Variants in AKAP6 observed in about 807,000 individuals in gnomAD.
The protein encoded by AKAP6 is A-kinase anchor protein 6.
In AKAP6, 58 loss-of-function variants were observed where a neutral mutation model predicts 188.5. The observed-to-expected ratio is 0.31, with a 90% CI of 0.25 to 0.38. The LOEUF (loss-of-function observed/expected upper bound fraction) is 0.38, where lower values mean the gene tolerates loss of function less well. Ranked by LOEUF, AKAP6 falls within the 10% of genes least tolerant of loss-of-function variation. The probability of loss-of-function intolerance (pLI) is 1.00; values close to 1 mark genes in which losing one functional copy is unlikely to be tolerated. For synonymous variants in AKAP6, 989 were observed against 998.6 expected (o/e 0.99, Z 0.18); for missense variants, 2,710 against 2,740.0 (o/e 0.99, Z 0.24).
In AKAP6 at chr14:32,822,035, G is replaced by A; in HGVS notation, c.4222G>A (p.Val1408Met). Reference sequence around the variant, plus strand: ...CCCACAAATGGGAGATGCAGTTAACGTGTTAAAGCAAAAATTTACAGATGA... The same window carrying A: ...CCCACAAATGGGAGATGCAGTTAACATGTTAAAGCAAAAATTTACAGATGA... The part of the protein sequence containing the change: ...LDPQMGDAVN[V>M]LKQKFTDEGE... The change falls in exon 13 of 14, where the codon GTG becomes ATG. Residue 1408 changes from valine to methionine, a missense_variant. Around this residue, in one of 2 missense-constraint regions of AKAP6, gnomAD observed 2,473 missense variants for 2,426.1 expected, o/e 1.02. Transcript: ENST00000280979. 10 of 1,613,876 alleles carry A rather than the reference G, an allele frequency of 6.2e-6. No homozygotes were observed. The highest frequency in any genetic ancestry group is 2.2e-5 in the East Asian group (1 of 44,864).
intron 1 of AKAP6, among the ~76,000 whole-genome samples, chr14:32,396,924 A>G (rs960321761): frequency 6.6e-6 from 1 of 152,218 alleles, no homozygotes; most frequent in African/African-American, 2.4e-5. Context: ...AAAGTGTTCT[A>G]ACTTATTAAC....
chr14:32,533,697 G>C (rs1369585025), intron 2 of AKAP6, among the ~76,000 whole-genome samples: 1 of 152,188 alleles, frequency 6.6e-6, no homozygotes, highest in Non-Finnish European at 1.5e-5. Flanking sequence ...TAGTGGTCAA[G>C]AGGTGTGGGG....
At chr14:32,783,777 G>C (rs2033322151) in intron 12 of AKAP6, among the ~76,000 whole-genome samples, 1 of 152,062 alleles carries the variant, frequency 6.6e-6, no homozygotes, top group Non-Finnish European at 1.5e-5. Context: ...AATTTTTCCA[G>C]AGTTACCACC....
intron 2 of AKAP6, among the ~76,000 whole-genome samples, chr14:32,462,168 C>A (rs1398297907): frequency 6.6e-6 from 1 of 152,074 alleles, no homozygotes; most frequent in Non-Finnish European, 1.5e-5. Context: ...AGGATATTAT[C>A]CAGGAGAGCT....
At chr14:32,489,007 C>T (rs1393406214) in intron 2 of AKAP6, among the ~76,000 whole-genome samples, 1 of 152,118 alleles carries the variant, frequency 6.6e-6, no homozygotes, top group Non-Finnish European at 1.5e-5. Context: ...GCTTATTTTT[C>T]CATTAAAATT....
At chr14:32,678,723 A>G (rs1210564097) in intron 8 of AKAP6, among the ~76,000 whole-genome samples, 1 of 152,182 alleles carries the variant, frequency 6.6e-6, no homozygotes, top group East Asian at 1.9e-4. Context: ...TTTTGTGACT[A>G]CGATGTGCCT....
chr14:32,604,222 T>C (rs1380766790), intron 7 of AKAP6, among the ~76,000 whole-genome samples: 12 of 152,154 alleles, frequency 7.9e-5, no homozygotes, highest in Admixed American at 7.9e-4. Context: ...GTGCACAGCA[T>C]AGTGCATCTA....
chr14:32,530,620 G>C (rs1278263486), intron 2 of AKAP6, among the ~76,000 whole-genome samples: 2 of 152,130 alleles, frequency 1.3e-5, no homozygotes, highest in African/African-American at 4.8e-5. Flanking sequence ...AGGCAGCAAA[G>C]AGATCGTCTC....
chr14:32,445,460 C>T (rs534286094), intron 2 of AKAP6, among the ~76,000 whole-genome samples: 39 of 152,212 alleles, frequency 2.6e-4, no homozygotes, highest in Admixed American at 5.9e-4. Context: ...GCAACCTCTG[C>T]CTCCCTGGTT....
At chr14:32,732,663 T>A in intron 10 of AKAP6, 63 bp downstream of exon 10, 2 of 1,559,264 alleles carry the variant, frequency 1.3e-6, no homozygotes, top group Non-Finnish European at 1.8e-6. Context: ...TGAAGTACTC[T>A]GTCCGATTTC....
chr14:32,822,226 A>G lies in AKAP6; in HGVS notation c.4413A>G (p.Ser1471=), dbSNP rs760379339. 3 of 1,613,950 alleles carry G rather than the reference A, an allele frequency of 1.9e-6. No homozygotes were observed. Among genetic ancestry groups the G allele is most frequent in the East Asian group, 2.2e-5 (1 of 44,864 alleles). ...ATGTGTTTACATTTTATGATTACTC[A>G]TACCTCCAAGGCTCAAAACTCAAAT... is the stretch of plus-strand genomic sequence containing the variant. ...KHDVFTFYDY[S]YLQGSKLKLP... The change falls in exon 13 of 14, where the codon TCA becomes TCG. Residue 1471 remains serine (S), a synonymous_variant. Coordinates refer to ENST00000280979, the MANE Select transcript of AKAP6 (RefSeq NM_004274.5).
intron 5 of AKAP6, among the ~76,000 whole-genome samples, chr14:32,591,975 G>T (rs1180732789): frequency 1.3e-5 from 2 of 152,166 alleles, no homozygotes; most frequent in African/African-American, 4.8e-5. Flanking sequence ...ATTACGCTGG[G>T]ATCATCTAAC....
chr14:32,545,737 G>A lies in AKAP6; in HGVS notation c.1084G>A (p.Val362Ile), dbSNP rs374557582. Residue 362 changes from valine to isoleucine, a missense_variant, in exon 4 of 14, where the codon GTT (valine) becomes ATT (isoleucine). By Grantham distance (29) the Val-to-Ile change is conservative. Transcript: ENST00000280979. ...SHHDAKNQQP[V>I]PCENATPKRT... ...TCATGATGCAAAGAATCAGCAGCCT[G>A]TTCCTTGTGAAAATGCAACCCCCAA... 1.2e-6 allele frequency: 2 copies of A among 1,614,116 alleles called. No individual in the cohort carries two copies. Among genetic ancestry groups the A allele is most frequent in the Non-Finnish European group, 1.7e-6 (2 of 1,180,044 alleles).
At chr14:32,529,668 G>T (rs150324657) in intron 2 of AKAP6, among the ~76,000 whole-genome samples, 4 of 152,164 alleles carry the variant, frequency 2.6e-5, no homozygotes, top group African/African-American at 9.7e-5. Context: ...TACTGAGAGG[G>T]ATAGTTCACT....
Position 32,823,134 on chromosome 14 carries a change from A to T in AKAP6, c.5321A>T (p.Asp1774Val). 6.2e-7 allele frequency: 1 copy of T among 1,613,804 alleles called. No individual in the cohort carries two copies. Among genetic ancestry groups the T allele is most frequent in the Non-Finnish European group, 8.5e-7 (1 of 1,179,860 alleles). Residue 1774 changes from aspartate (D) to valine (V), a missense_variant, in exon 13 of 14, where the codon GAT becomes GTT. Asp to Val is a radical substitution (Grantham distance 152). Around this residue, in one of 2 missense-constraint regions of AKAP6, gnomAD observed 2,473 missense variants for 2,426.1 expected, o/e 1.02. Coordinates refer to ENST00000280979, the MANE Select transcript of AKAP6 (RefSeq NM_004274.5). ...TEEELCIKDE[D>V]DDSSIATDDE... Reference sequence around the variant, plus strand: ...GAAGAGCTGTGCATCAAAGATGAGGATGACGACTCCAGTATTGCAACAGAT... The same window carrying T: ...GAAGAGCTGTGCATCAAAGATGAGGTTGACGACTCCAGTATTGCAACAGAT...
At chr14:32,821,381 C>G in intron 12 of AKAP6, 21 bp from the exon 13 acceptor site, 1 of 1,547,734 alleles carries the variant, frequency 6.5e-7, no homozygotes, top group Non-Finnish European at 8.7e-7. Flanking sequence ...TTCTCCTTTT[C>G]TTTTTCTTTC....
At position 32,829,895 on chromosome 14, in the gene AKAP6, C is replaced by T. The variant is rs1468740171; in HGVS notation, c.*90C>T. On this transcript the variant is annotated 3_prime_UTR_variant, in exon 14 of 14. Coordinates refer to ENST00000280979, the MANE Select transcript of AKAP6 (RefSeq NM_004274.5). The stretch of plus-strand genomic sequence containing the variant: ...GGTGGCCTCATCCTCCCGCCCTGGG[C>T]TGGCCTCTGGTTCCATCACGTTTGT... The T allele has an allele frequency of 1.4e-6, 1 of 702,736 alleles. No individual in the cohort carries two copies. The highest frequency in any genetic ancestry group is 1.5e-5 in the South Asian group (1 of 67,598). The allele number at this position is 702,736 out of a possible 1,614,324, so 43.5% of individuals were successfully genotyped here. A position where few individuals can be genotyped will look rare whatever the true frequency, so the allele number is the denominator to read the frequency against.
chr14:32,730,555 G>T (rs1347911802), intron 9 of AKAP6, among the ~76,000 whole-genome samples: 1 of 152,036 alleles, frequency 6.6e-6, no homozygotes, highest in Non-Finnish European at 1.5e-5. Flanking sequence ...TAAAGTTGGG[G>T]TGAAGAGGGG....
intron 2 of AKAP6, among the ~76,000 whole-genome samples, chr14:32,440,445 A>G (rs1443594869): frequency 6.6e-6 from 1 of 152,036 alleles, no homozygotes. Flanking sequence ...AAACCTGCAC[A>G]TTGTGCACAT....
Sources: allele counts gnomAD v4.1 joint callset (sites outside exome capture counted in the v4.1 genomes callset), GRCh38; gene constraint gnomAD v4.1.1; regional missense constraint gnomAD v4.1.1; transcripts MANE v1.5; gene names NCBI Gene and HGNC (gene_info 2026-07-23, HGNC 2026-07-21).